Variants in EYS observed in about 807,000 individuals in gnomAD.
EYS encodes the protein protein eyes shut homolog.
Under a neutral mutation model 282.1 loss-of-function variants are expected in EYS, and 250 were observed. The ratio of observed to expected loss-of-function variants is 0.89; its 90% CI spans 0.80 to 0.98. The LOEUF is 0.98. EYS is among the 50% of genes least tolerant of loss of function. The pLI is 0.00. For synonymous variants in EYS, 1,355 were observed against 1,282.9 expected, an observed-to-expected ratio of 1.06 and a Z score of -1.20; for missense variants, 4,016 against 3,709.0, an observed-to-expected ratio of 1.08 and a Z score of -2.15.
chr6:64,057,330 TGAG>T (rs1258667769), intron 33 of EYS, among the ~76,000 whole-genome samples: 37 of 152,030 alleles, frequency 2.4e-4, no homozygotes, highest in African/African-American at 8.7e-4. Flanking sequence ...AGCAACTTGT[TGAG>T]GAGGAATCTG....
intron 14 of EYS, among the ~76,000 whole-genome samples, chr6:64,957,472 A>AT (rs1769749059): frequency 6.6e-6 from 1 of 151,600 alleles, no homozygotes; most frequent in Admixed American, 6.6e-5. Flanking sequence ...TGGTTAATGG[A>AT]TAAAAAAAAA....
In EYS at chr6:63,936,646, G is replaced by T. The variant is rs193049928; in HGVS notation, c.7055+47737C>A. Reference sequence around the variant, plus strand: ...CATGCATTCACTTATTTGTTCTTCTGTTTATCCATCTAACTGGGAGCTTTT... The same window carrying T: ...CATGCATTCACTTATTTGTTCTTCTTTTTATCCATCTAACTGGGAGCTTTT... On this transcript the variant is annotated intron_variant, in intron 35 of 42. Coordinates refer to ENST00000503581, the MANE Select transcript of EYS (RefSeq NM_001142800.2). 3.3e-5 allele frequency among the ~76,000 whole-genome samples: 5 copies of T among 152,252 alleles called. No homozygotes were observed. In the East Asian group the frequency reaches 7.7e-4, roughly 24 times the overall value.
intron 26 of EYS, among the ~76,000 whole-genome samples, chr6:64,544,748 T>G (rs1188777481): frequency 6.6e-6 from 1 of 152,078 alleles, no homozygotes; most frequent in African/African-American, 2.4e-5. Context: ...AAAACCTCTA[T>G]GCAAATAAAC....
intron 31 of EYS, among the ~76,000 whole-genome samples, chr6:64,214,687 G>A (rs1236222297): frequency 6.6e-6 from 1 of 151,902 alleles, no homozygotes; most frequent in African/African-American, 2.4e-5. Context: ...ATAAAAAGGT[G>A]TGACTAAATA....
chr6:64,075,861 T>C (rs1221194394), intron 32 of EYS, among the ~76,000 whole-genome samples: 1 of 152,020 alleles, frequency 6.6e-6, no homozygotes, highest in Non-Finnish European at 1.5e-5. Flanking sequence ...AATTGTTCTA[T>C]TTTAGGCGAA....
chr6:65,201,641 A>C (rs188043463), intron 12 of EYS, among the ~76,000 whole-genome samples: 4 of 152,272 alleles, frequency 2.6e-5, no homozygotes, highest in Admixed American at 2.6e-4. Context: ...AGCTATCTAA[A>C]ATATATATGG....
At chr6:65,255,740 C>A (rs1348709528) in intron 12 of EYS, among the ~76,000 whole-genome samples, 4 of 151,826 alleles carry the variant, frequency 2.6e-5, no homozygotes, top group African/African-American at 9.7e-5. Flanking sequence ...AAATGGCCAA[C>A]AGGTGTATAA....
chr6:65,254,149 T>G (rs987939611), intron 12 of EYS, among the ~76,000 whole-genome samples: 2 of 151,866 alleles, frequency 1.3e-5, no homozygotes, highest in South Asian at 2.1e-4. Context: ...CTCTTAGAAC[T>G]TTTTCAAATC....
At position 64,668,451 on chromosome 6, in the gene EYS, A is replaced by G. The variant is rs117426556; in HGVS notation, c.3444-42206T>C. 2.5e-4 allele frequency among the ~76,000 whole-genome samples: 37 copies of G among 148,748 alleles called. No individual in the cohort carries two copies. The East Asian group carries it at 7.0e-3, about 28-fold the overall frequency. ...CTTATCATATTTGTTGCTTTCACCTATTTTAGGTGACACAATTTGCTCCTT... is the reference window on the plus strand; with the variant it reads ...CTTATCATATTTGTTGCTTTCACCTGTTTTAGGTGACACAATTTGCTCCTT... On this transcript the variant is annotated intron_variant, in intron 22 of 42. Coordinates refer to ENST00000503581, the MANE Select transcript of EYS (RefSeq NM_001142800.2).
intron 8 of EYS, among the ~76,000 whole-genome samples, chr6:65,361,031 T>C (rs1764683847): frequency 1.3e-5 from 2 of 152,106 alleles, no homozygotes; most frequent in South Asian, 4.1e-4. Flanking sequence ...ATTGAATATC[T>C]GTACTTTTAC....
In EYS at chr6:65,674,793, A is replaced by G. The variant is rs538781430; in HGVS notation, c.-448+32342T>C. 8.4e-4 allele frequency among the ~76,000 whole-genome samples: 128 copies of G among 152,222 alleles called. 1 individual carries two copies. The highest frequency in any genetic ancestry group is 2.5e-3 in the African/African-American group (102 of 41,582). ...AGCAACAAAAAAAACATATTAAAGT[A>G]TACAGCTTGGTAGCAAAGGTAAATA... On this transcript the variant is annotated intron_variant, in intron 1 of 42. Transcript: ENST00000503581.
chr6:64,236,539 A>C (rs1361008784), intron 30 of EYS, among the ~76,000 whole-genome samples: 1 of 152,190 alleles, frequency 6.6e-6, no homozygotes, highest in African/African-American at 2.4e-5. Context: ...CATTTCTGCC[A>C]GCAAAATATA....
chr6:64,608,553 T>G (rs1396763283), intron 24 of EYS, among the ~76,000 whole-genome samples: 1 of 152,196 alleles, frequency 6.6e-6, no homozygotes, highest in African/African-American at 2.4e-5. Flanking sequence ...CCAGTGAGTG[T>G]GTGCCTCGAT....
chr6:64,056,327 A>G lies in EYS; in HGVS notation c.6725+10011T>C, dbSNP rs141704635. On this transcript the variant is annotated intron_variant, in intron 33 of 42. Transcript: ENST00000503581. ...AATCCATTATAGACTCTCCCTCTCC[A>G]AAGATTTTTAGAAATCCTCAGGACT... Among the ~76,000 whole-genome samples the G allele has an allele frequency of 2.0e-4, 30 of 152,304 alleles. No individual in the cohort carries two copies. In the East Asian group the frequency reaches 4.4e-3, roughly 23 times the overall value.
At chr6:65,471,541 A>G (rs1765218756) in intron 5 of EYS, among the ~76,000 whole-genome samples, 1 of 152,226 alleles carries the variant, frequency 6.6e-6, no homozygotes, top group South Asian at 2.1e-4. Context: ...TTAGCATATC[A>G]CAACCAGCTT....
intron 12 of EYS, among the ~76,000 whole-genome samples, chr6:65,134,351 C>A (rs1003388193): frequency 6.6e-6 from 1 of 151,890 alleles, no homozygotes; most frequent in Non-Finnish European, 1.5e-5. Flanking sequence ...AACCTACATG[C>A]CTATTAATGA....
chr6:64,628,637 T>A (rs913572374), intron 22 of EYS, among the ~76,000 whole-genome samples: 1 of 152,218 alleles, frequency 6.6e-6, no homozygotes, highest in Non-Finnish European at 1.5e-5. Context: ...AAATGGGTCA[T>A]GCTATGTTGC....
chr6:65,617,350 G>C (rs1766239392), intron 2 of EYS, among the ~76,000 whole-genome samples: 1 of 152,002 alleles, frequency 6.6e-6, no homozygotes, highest in Admixed American at 6.6e-5. Flanking sequence ...CAAATTAATA[G>C]AGAAAAAGAA....
chr6:65,030,115 G>A, intron 13 of EYS, among the ~76,000 whole-genome samples: 1 of 152,130 alleles, frequency 6.6e-6, no homozygotes, highest in East Asian at 1.9e-4. Context: ...CCCAAGTCTG[G>A]CCACATTCCC....
Sources: gnomAD v4.1 joint callset for allele counts (sites outside exome capture counted in the v4.1 genomes callset) on GRCh38, gnomAD v4.1.1 for gene constraint, MANE v1.5 for transcripts, NCBI Gene and HGNC (gene_info 2026-07-23, HGNC 2026-07-21) for gene names.